PICALM: variants seen among roughly 807,000 people sequenced by gnomAD.
The protein encoded by PICALM is phosphatidylinositol-binding clathrin assembly protein.
A neutral mutation model predicts 80.5 loss-of-function variants in PICALM; 40 were observed. The ratio of observed to expected loss-of-function variants is 0.50; its 90% CI spans 0.39 to 0.65. The LOEUF is 0.65. Ranked by LOEUF, PICALM falls within the 30% of genes least tolerant of loss-of-function variation. PICALM has a pLI of 0.00. For missense variants in PICALM, 676 were observed against 778.9 expected (o/e 0.87, Z 1.57); for synonymous variants, 288 against 260.3 (o/e 1.11, Z -1.02).
Position 86,001,136 on chromosome 11 carries a change from C to T in PICALM, c.916G>A (p.Val306Met). The change falls in exon 10 of 20, where the codon GTG becomes ATG. Residue 306 changes from valine to methionine, a missense_variant. Val to Met is a conservative substitution (Grantham distance 21). Around this residue, in one of 2 missense-constraint regions of PICALM, gnomAD observed 285 missense variants for 395.4 expected, o/e 0.72. Transcript: ENST00000393346. ...ASRATTLSNA[V>M]SSLASTGLSL... is the part of the protein sequence containing the mutation. ...AGACCAGTGCTTGCCAGGGAAGACA[C>T]TGCATTGGAAAGTGTAGTTGCCCTA... is the stretch of plus-strand genomic sequence containing the variant. The T allele has an allele frequency of 6.2e-7, 1 of 1,614,034 alleles. No homozygotes were observed. Among genetic ancestry groups the T allele is most frequent in the Non-Finnish European group, 8.5e-7 (1 of 1,179,932 alleles).
At chr11:86,007,723 A>G in intron 7 of PICALM, 140 bp from the exon 8 acceptor site, 1 of 313,422 alleles carries the variant, frequency 3.2e-6, no homozygotes, top group Non-Finnish European at 5.8e-6. Context: ...ATCTCCAAAA[A>G]TACTCAACAT....
At chr11:86,017,222 CA>C (rs11326179) in intron 4 of PICALM, among the ~76,000 whole-genome samples, 87,552 of 136,818 alleles carry the variant, frequency 0.64, 27,781 homozygotes, top group African/African-American at 0.79. Flanking sequence ...GACTCTGTCT[CA>C]AAAAAAAAAA....
chr11:86,000,442 T>C lies in PICALM; in HGVS notation c.1154+201A>G, dbSNP rs563510716. ...TTAGTATAAATCAGTGATTTAACTA[T>C]CTTCCATTTCGTAAATACGTAAAAT... On this transcript the variant is annotated intron_variant, in intron 11 of 19. Transcript: ENST00000393346. Among the ~76,000 whole-genome samples, 10 of 152,354 alleles carry C rather than the reference T, an allele frequency of 6.6e-5. No homozygotes were observed. The South Asian group carries it at 2.1e-3, about 32-fold the overall frequency.
intron 2 of PICALM, among the ~76,000 whole-genome samples, chr11:86,031,191 T>C (rs897421432): frequency 5.3e-5 from 8 of 152,132 alleles, no homozygotes; most frequent in Non-Finnish European, 1.0e-4. Context: ...ATATAGTCTA[T>C]AAACAGGACC....
chr11:85,969,709 C>G (rs12292953), intron 19 of PICALM: 4,623 of 402,256 alleles, frequency 0.011, 195 homozygotes, highest in African/African-American at 0.089. Flanking sequence ...AAAAAACAGA[C>G]AGTCTCACTA....
chr11:85,996,855 G>C lies in PICALM; in HGVS notation c.1229C>G (p.Thr410Ser). Residue 410 changes from threonine (T) to serine (S), a missense_variant, in exon 12 of 20, where the codon ACT becomes AGT. Physicochemically the swap from Thr to Ser is moderately conservative, Grantham distance 58. This residue lies in a region of PICALM where 391 missense variants were observed against 383.6 expected (regional missense o/e 1.02). Transcript: ENST00000393346. ...TFHPSVHPMS[T>S]ASQVASTWGD... is the part of the protein sequence containing the mutation. ...CCATGTACTTGCTACCTGAGAAGCA[G>C]TTGACATAGGATGTACAGATGGGTG... 6.2e-7 allele frequency: 1 copy of C among 1,610,732 alleles called. No homozygotes were observed. Among genetic ancestry groups the C allele is most frequent in the Non-Finnish European group, 8.5e-7 (1 of 1,177,330 alleles).
chr11:85,996,683 G>A (rs1352699170), intron 12 of PICALM, 143 bp downstream of exon 12: 8 of 550,148 alleles, frequency 1.5e-5, no homozygotes, highest in Non-Finnish European at 2.2e-5. Flanking sequence ...ATACCTTCAA[G>A]GGATAAAATT....
chr11:86,068,821 CG>C lies in PICALM; in HGVS notation c.-42del. The C allele has an allele frequency of 6.4e-7, 1 of 1,561,036 alleles. No individual in the cohort carries two copies. On this transcript the variant is annotated 5_prime_UTR_variant, in exon 1 of 20. Transcript: ENST00000393346. ...ACCACCCCACCCGCTCAGCAGCCGG[CG>C]GGGACTGGGACCCCCAAGAGCCGGA...
At chr11:85,960,458 A>T (rs565031) in intron 19 of PICALM, among the ~76,000 whole-genome samples, 75,615 of 152,036 alleles carry the variant, frequency 0.5, 19,283 homozygotes, top group African/African-American at 0.6. Flanking sequence ...AGTGGATGAG[A>T]TTACTTTAAA....
intron 4 of PICALM, among the ~76,000 whole-genome samples, chr11:86,018,224 A>C (rs939730552): frequency 6.6e-5 from 10 of 152,220 alleles, no homozygotes; most frequent in Non-Finnish European, 1.5e-5. Context: ...AATGGACATC[A>C]AAAGACAATT....
chr11:85,962,719 T>C (rs2093730212), intron 19 of PICALM, among the ~76,000 whole-genome samples: 1 of 152,136 alleles, frequency 6.6e-6, no homozygotes, highest in Non-Finnish European at 1.5e-5. Flanking sequence ...AACTAAAACA[T>C]GACAGAGACC....
chr11:86,037,318 GGT>G (rs2095860857), intron 1 of PICALM, among the ~76,000 whole-genome samples: 1 of 144,162 alleles, frequency 6.9e-6, no homozygotes, highest in Non-Finnish European at 1.5e-5. Context: ...GGAGTGCAGT[GGT>G]GTGATCTCGG....
intron 19 of PICALM, chr11:85,974,449 G>T (rs1263482951): frequency 1.7e-6 from 1 of 587,432 alleles, no homozygotes; most frequent in Non-Finnish European, 3.3e-6. Flanking sequence ...CTTAATCTCA[G>T]AAAAATCATC....
intron 1 of PICALM, among the ~76,000 whole-genome samples, chr11:86,042,162 T>C (rs1038662786): frequency 1.3e-5 from 2 of 152,172 alleles, no homozygotes; most frequent in African/African-American, 4.8e-5. Flanking sequence ...TTCTTAAATC[T>C]GAGATTGTTT....
chr11:85,985,653 ATTGG>A (rs147562793), intron 13 of PICALM, among the ~76,000 whole-genome samples: 32,127 of 152,076 alleles, frequency 0.21, 3,751 homozygotes, highest in East Asian at 0.48. Context: ...CCATCAGCTT[ATTGG>A]TTGTTCTCTT....
chr11:85,975,448 T>C (rs568138773), intron 18 of PICALM, among the ~76,000 whole-genome samples: 2 of 152,196 alleles, frequency 1.3e-5, no homozygotes, highest in African/African-American at 2.4e-5. Context: ...AGTGTAAAAA[T>C]AATGCACAAA....
chr11:85,971,735 CA>C (rs552000109), intron 19 of PICALM, among the ~76,000 whole-genome samples: 61 of 132,732 alleles, frequency 4.6e-4, no homozygotes, highest in Non-Finnish European at 4.2e-4. Flanking sequence ...GACCCTGTCT[CA>C]AAAAAAAAAA....
chr11:86,036,996 G>C (rs893149547), intron 1 of PICALM, among the ~76,000 whole-genome samples: 1 of 151,584 alleles, frequency 6.6e-6, no homozygotes, highest in Non-Finnish European at 1.5e-5. Flanking sequence ...AGCCAGGCTG[G>C]AGTGCATGGC....
intron 17 of PICALM, among the ~76,000 whole-genome samples, chr11:85,979,154 T>C (rs565835157): frequency 5.4e-4 from 83 of 152,294 alleles, no homozygotes; most frequent in African/African-American, 1.9e-3. Context: ...TGTGTATTTG[T>C]GTGTATAAAA....
Sources: gnomAD v4.1 joint callset for allele counts (sites outside exome capture counted in the v4.1 genomes callset) on GRCh38, gnomAD v4.1.1 for gene constraint, gnomAD v4.1.1 regional missense constraint, MANE v1.5 for transcripts, NCBI Gene and HGNC (gene_info 2026-07-23, HGNC 2026-07-21) for gene names.